FIGN: variants seen among roughly 807,000 people sequenced by gnomAD.
FIGN encodes the protein fidgetin.
Under a neutral mutation model 51.3 loss-of-function variants are expected in FIGN, and 11 were observed. The ratio of observed to expected loss-of-function variants is 0.21; its 90% CI spans 0.13 to 0.35. The LOEUF (loss-of-function observed/expected upper bound fraction) is 0.35. FIGN is among the 10% of genes least tolerant of loss of function. The pLI, the probability that FIGN is intolerant of heterozygous loss-of-function variation, is 1.00. For missense variants in FIGN, 857 were observed against 943.6 expected, an observed-to-expected ratio of 0.91 and a Z score of 1.20; for synonymous variants, 407 against 363.2, an observed-to-expected ratio of 1.12 and a Z score of -1.37.
At chr2:163,733,109 A>T (rs1371387399) in intron 2 of FIGN, among the ~76,000 whole-genome samples, 2 of 152,304 alleles carry the variant, frequency 1.3e-5, no homozygotes, top group East Asian at 3.9e-4. Flanking sequence ...ATGTATGTAA[A>T]CTTTCACCCC....
At chr2:163,619,684 A>G (rs1682936135) in intron 2 of FIGN, among the ~76,000 whole-genome samples, 1 of 152,190 alleles carries the variant, frequency 6.6e-6, no homozygotes, top group African/African-American at 2.4e-5. Flanking sequence ...AAAGCAAATT[A>G]CAGTGATGAA....
At chr2:163,646,185 C>CAT (rs1370412305) in intron 2 of FIGN, among the ~76,000 whole-genome samples, 1 of 152,048 alleles carries the variant, frequency 6.6e-6, no homozygotes, top group Non-Finnish European at 1.5e-5. Flanking sequence ...CCCTTCAACT[C>CAT]TATTATAAGA....
At chr2:163,654,987 C>T (rs974479105) in intron 2 of FIGN, among the ~76,000 whole-genome samples, 7 of 152,230 alleles carry the variant, frequency 4.6e-5, no homozygotes, top group African/African-American at 1.7e-4. Context: ...GAAGCAAGGT[C>T]CTTTAATGTA....
intron 2 of FIGN, among the ~76,000 whole-genome samples, chr2:163,671,235 T>C (rs1683870502): frequency 6.6e-6 from 1 of 152,168 alleles, no homozygotes; most frequent in Non-Finnish European, 1.5e-5. Context: ...ATTCCATGTG[T>C]AGCACAGTTG....
At chr2:163,635,855 A>G (rs1486328400) in intron 2 of FIGN, among the ~76,000 whole-genome samples, 1 of 152,220 alleles carries the variant, frequency 6.6e-6, no homozygotes. Flanking sequence ...AGATCACTAA[A>G]GAAAATGAAA....
intron 2 of FIGN, among the ~76,000 whole-genome samples, chr2:163,676,935 A>T (rs1239136): frequency 1 from 152,311 of 152,320 alleles, 76,151 homozygotes; most frequent in Non-Finnish European, 1. Flanking sequence ...AAAGGCAGTA[A>T]CTGATAACAT....
At chr2:163,635,421 T>C (rs1054890008) in intron 2 of FIGN, among the ~76,000 whole-genome samples, 6 of 152,242 alleles carry the variant, frequency 3.9e-5, no homozygotes, top group African/African-American at 1.4e-4. Flanking sequence ...ATTTTAAAAA[T>C]TAGCCAGGTA....
rs1027201567 is a variant in FIGN at position 163,695,181 on chromosome 2, G to A, written c.25+39722C>T. On this transcript the variant is annotated intron_variant, in intron 2 of 2. Transcript: ENST00000333129. Reference sequence around the variant, plus strand: ...CTTTTCCTTAAATTCCTTAGAAGGTGTCTATATTTGACATCTCAACTTCCT... The same window carrying A: ...CTTTTCCTTAAATTCCTTAGAAGGTATCTATATTTGACATCTCAACTTCCT... Among the ~76,000 whole-genome samples the A allele has an allele frequency of 5.3e-5, 8 of 152,144 alleles. 1 individual carries two copies. In the East Asian group the frequency reaches 1.4e-3, roughly 26 times the overall value.
In FIGN at chr2:163,731,568, AT is replaced by A. The variant is rs1684929682; in HGVS notation, c.25+3334del. On this transcript the variant is annotated intron_variant, in intron 2 of 2. Transcript: ENST00000333129. ...TTTTCTATTTATGGGAAGGAAAAAA[AT>A]ATCAGCCCTGGAAACTCAGCTACAG... Among the ~76,000 whole-genome samples, 5 of 152,270 alleles carry A rather than the reference AT, an allele frequency of 3.3e-5. No homozygotes were observed. In the South Asian group the frequency reaches 1.0e-3, roughly 32 times the overall value.
chr2:163,644,325 A>G (rs1395111476), intron 2 of FIGN, among the ~76,000 whole-genome samples: 1 of 152,192 alleles, frequency 6.6e-6, no homozygotes, highest in Non-Finnish European at 1.5e-5. Context: ...TAAGCACATG[A>G]AAAGATGCTG....
At chr2:163,648,608 A>C (rs1300194388) in intron 2 of FIGN, among the ~76,000 whole-genome samples, 1 of 152,224 alleles carries the variant, frequency 6.6e-6, no homozygotes, top group African/African-American at 2.4e-5. Flanking sequence ...AGGTCTCTGA[A>C]TCAGGAATAT....
rs1176134454 is a variant in FIGN, at chr2:163,608,853, C to T, written c.*699G>A. The T allele has an allele frequency of 1.3e-5, 2 of 152,630 alleles. No homozygotes were observed. The highest frequency in any genetic ancestry group is 4.8e-5 in the African/African-American group (2 of 41,452). 9.5% of individuals were successfully genotyped at this position (152,630 alleles called of 1,614,324 possible). A position where few individuals can be genotyped will look rare whatever the true frequency, so the allele number is the denominator to read the frequency against. On this transcript the variant is annotated 3_prime_UTR_variant, in exon 3 of 3. Transcript: ENST00000333129. ...AATATAAAGTAACATTGAAGCCTAT[C>T]CTATTACTCTCAGCAGTACATAGTG...
rs1368514791 is a variant in FIGN at position 163,608,154 on chromosome 2, T to C, written c.*1398A>G. 2 of 152,476 alleles carry C rather than the reference T, an allele frequency of 1.3e-5. No individual in the cohort carries two copies. The highest frequency in any genetic ancestry group is 2.9e-5 in the Non-Finnish European group (2 of 68,012). 9.4% of individuals were successfully genotyped at this position (152,476 alleles called of 1,614,324 possible). On this transcript the variant is annotated 3_prime_UTR_variant, in exon 3 of 3. Coordinates refer to ENST00000333129, the MANE Select transcript of FIGN (RefSeq NM_018086.4). ...AAATGTAACAAAACTGAGGTAGAAA[T>C]AAAGCAGGAGCACTACAGCCCAGAT...
intron 2 of FIGN, among the ~76,000 whole-genome samples, chr2:163,669,015 AATATAT>A (rs138074416): frequency 9.4e-5 from 13 of 138,562 alleles, no homozygotes; most frequent in African/African-American, 3.7e-4. Context: ...GAAAAAAAGG[AATATAT>A]ATATATATAT....
At chr2:163,700,964 A>C (rs575722110) in intron 2 of FIGN, among the ~76,000 whole-genome samples, 1 of 152,286 alleles carries the variant, frequency 6.6e-6, no homozygotes, top group South Asian at 2.1e-4. Flanking sequence ...CTAGATGTAC[A>C]ACTCTTCACT....
intron 2 of FIGN, among the ~76,000 whole-genome samples, chr2:163,617,429 C>T (rs1231299167): frequency 2.0e-5 from 3 of 152,038 alleles, no homozygotes; most frequent in African/African-American, 7.2e-5. Flanking sequence ...CTCTCTTTTT[C>T]ACAATTTCAC....
chr2:163,621,638 C>T, intron 2 of FIGN, among the ~76,000 whole-genome samples: 1 of 152,242 alleles, frequency 6.6e-6, no homozygotes, highest in African/African-American at 2.4e-5. Flanking sequence ...CACCCTGCCC[C>T]CTTCTAGTGA....
At chr2:163,631,020 C>G (rs1389947121) in intron 2 of FIGN, among the ~76,000 whole-genome samples, 6 of 152,126 alleles carry the variant, frequency 3.9e-5, no homozygotes, top group African/African-American at 4.8e-5. Context: ...AGCTTTGGGT[C>G]TTACTTTTTT....
At chr2:163,622,561 T>TTTA (rs1298296625) in intron 2 of FIGN, among the ~76,000 whole-genome samples, 1 of 151,682 alleles carries the variant, frequency 6.6e-6, no homozygotes. Context: ...ATTTATTTAT[T>TTTA]TTATTATTAT....
Sources: gnomAD v4.1 joint callset for allele counts (sites outside exome capture counted in the v4.1 genomes callset) on GRCh38, gnomAD v4.1.1 for gene constraint, MANE v1.5 for transcripts, NCBI Gene and HGNC (gene_info 2026-07-23, HGNC 2026-07-21) for gene names.